Variants in SLC22A14 observed in about 807,000 individuals in gnomAD.
SLC22A14 encodes the protein solute carrier family 22 member 14.
SLC22A14 carries 50 observed loss-of-function variants against 53.9 expected under a neutral mutation model. That is an observed-to-expected ratio of 0.93 (90% confidence interval 0.74 to 1.17). The LOEUF (loss-of-function observed/expected upper bound fraction) is 1.17. Among genes scored for constraint, SLC22A14 ranks in the 50% most tolerant of loss-of-function variants. SLC22A14 has a pLI of 0.00. For synonymous variants in SLC22A14, 312 were observed against 303.0 expected, an observed-to-expected ratio of 1.03 and a Z score of -0.31; for missense variants, 671 against 734.7, an observed-to-expected ratio of 0.91 and a Z score of 1.00.
In SLC22A14 at chr3:38,313,007, C is replaced by T. The variant is rs116032919; in HGVS notation, c.953C>T (p.Pro318Leu). 5.9e-4 allele frequency: 932 copies of T among 1,580,394 alleles called. 2 individuals are homozygous for T. Among genetic ancestry groups the T allele is most frequent in the Non-Finnish European group, 7.0e-4 (819 of 1,163,692 alleles). Reference sequence around the variant, plus strand: ...AGGGGCTGGCCACGCAGGATTCTCCCGGAGTCCCCGCGGTGGCTGATGATG... The same window carrying T: ...AGGGGCTGGCCACGCAGGATTCTCCTGGAGTCCCCGCGGTGGCTGATGATG... Reference protein sequence around the residue: ...IPFISYIWILPESPRWLMMKG... With the variant: ...IPFISYIWILLESPRWLMMKG... Residue 318 changes from proline (P) to leucine (L), a missense_variant, in exon 6 of 11, where the codon CCG (proline) becomes CTG (leucine). By Grantham distance (98) the Pro-to-Leu change is moderately conservative. Coordinates refer to ENST00000448498, the MANE Select transcript of SLC22A14 (RefSeq NM_001320033.2).
chr3:38,293,812 C>G (rs1420440901), intron 1 of SLC22A14, among the ~76,000 whole-genome samples: 1 of 152,218 alleles, frequency 6.6e-6, no homozygotes, highest in Non-Finnish European at 1.5e-5. Context: ...GTTCTTTCCT[C>G]TGTTGTCATC....
At chr3:38,312,229 C>T (rs1024334163) in intron 5 of SLC22A14, among the ~76,000 whole-genome samples, 4 of 152,172 alleles carry the variant, frequency 2.6e-5, no homozygotes, top group East Asian at 1.9e-4. Flanking sequence ...ATAGCTCTGC[C>T]TCTGTGTCCT....
At position 38,318,293 on chromosome 3, in the gene SLC22A14, TTGGACCCATACC is replaced by T. The variant is rs1704676347; in HGVS notation, c.*45_*56del. 1.3e-6 allele frequency: 2 copies of T among 1,544,534 alleles called. No homozygotes were observed. Among genetic ancestry groups the T allele is most frequent in the Admixed American group, 1.7e-5 (1 of 59,946 alleles). ...CATTCTCAATGCCCAGATCCTGAGA[TTGGACCCATACC>T]CTGTCTCCAACCCTGCCTTGAAGCA... On this transcript the variant is annotated 3_prime_UTR_variant, in exon 11 of 11. Transcript: ENST00000448498.
intron 9 of SLC22A14, among the ~76,000 whole-genome samples, 185 bp downstream of exon 9, chr3:38,315,896 G>C (rs181898625): frequency 1.9e-3 from 292 of 152,330 alleles, no homozygotes; most frequent in Non-Finnish European, 3.5e-3. Flanking sequence ...CCCTATTTCA[G>C]ATGCAAGACC....
chr3:38,315,567 G>A lies in SLC22A14; in HGVS notation c.1388G>A (p.Gly463Asp), dbSNP rs1247329942. The A allele has an allele frequency of 2.5e-6, 4 of 1,613,772 alleles. No individual in the cohort carries two copies. In the South Asian group the frequency reaches 4.4e-5, roughly 18 times the overall value. The change falls in exon 9 of 11, where the codon GGC becomes GAC. Residue 463 changes from glycine (G) to aspartate (D), a missense_variant. By Grantham distance (94) the Gly-to-Asp change is moderately conservative (BLOSUM62 -1). Coordinates refer to ENST00000448498, the MANE Select transcript of SLC22A14 (RefSeq NM_001320033.2). ...LLLFLPEGED[G>D]LRLKWPRCPA... ...CCTTCACCCACCCCAGGGGAGGATG[G>A]CCTCAGACTCAAGTGGCCACGTTGT...
chr3:38,281,818 C>T (rs1167353761), upstream of SLC22A14, among the ~76,000 whole-genome samples: 2 of 152,192 alleles, frequency 1.3e-5, no homozygotes, highest in Non-Finnish European at 2.9e-5. Context: ...GCTGGTTTTC[C>T]TGTCCTGCCA....
In SLC22A14 at chr3:38,318,464, G is replaced by C; in HGVS notation, c.*215G>C. The C allele has an allele frequency of 3.5e-6, 2 of 571,492 alleles. No individual in the cohort carries two copies. Among genetic ancestry groups the C allele is most frequent in the Non-Finnish European group, 6.3e-6 (2 of 317,684 alleles). The allele number at this position is 571,492 out of a possible 1,614,324, so 35.4% of individuals were successfully genotyped here. A position where few individuals can be genotyped will look rare whatever the true frequency, so the allele number is the denominator to read the frequency against. On this transcript the variant is annotated 3_prime_UTR_variant, in exon 11 of 11. Transcript: ENST00000448498. Reference sequence around the variant, plus strand: ...AATTCCAGGCCTAGTTCAGTCTGGGGGCAGGGTCAGTCCTTCTCCCAGGCC... The same window carrying C: ...AATTCCAGGCCTAGTTCAGTCTGGGCGCAGGGTCAGTCCTTCTCCCAGGCC...
rs1704679693 is a variant in SLC22A14, at chr3:38,318,418, G to T, written c.*169G>T. On this transcript the variant is annotated 3_prime_UTR_variant, in exon 11 of 11. Coordinates refer to ENST00000448498, the MANE Select transcript of SLC22A14 (RefSeq NM_001320033.2). ...GTTGGAATTGAGTGGCCAAGTATGGGGTCATGGATTCCAGGCCACAAATTC... is the reference window on the plus strand; with the variant it reads ...GTTGGAATTGAGTGGCCAAGTATGGTGTCATGGATTCCAGGCCACAAATTC... 6.2e-6 allele frequency: 4 copies of T among 648,518 alleles called. No individual in the cohort carries two copies. The South Asian group carries it at 7.5e-5, about 12-fold the overall frequency. 40.2% of individuals were successfully genotyped at this position (648,518 alleles called of 1,614,324 possible). A position where few individuals can be genotyped will look rare whatever the true frequency, so the allele number is the denominator to read the frequency against.
intron 1 of SLC22A14, among the ~76,000 whole-genome samples, chr3:38,291,815 A>G (rs2125874503): frequency 6.6e-6 from 1 of 152,320 alleles, no homozygotes; most frequent in South Asian, 2.1e-4. Flanking sequence ...ATCTTACTAA[A>G]TGGGTATTGG....
intron 5 of SLC22A14, among the ~76,000 whole-genome samples, chr3:38,310,439 C>T (rs112955794): frequency 0.018 from 2,708 of 152,192 alleles, 80 homozygotes; most frequent in African/African-American, 0.06. Flanking sequence ...ACAGCTTTTT[C>T]CTGGCCCCTC....
At chr3:38,308,023 A>C in intron 4 of SLC22A14, 1 of 424,846 alleles carries the variant, frequency 2.4e-6, no homozygotes, top group Non-Finnish European at 4.3e-6. Context: ...CTCCTTCCTA[A>C]CTCCCTCATA....
At chr3:38,313,691 C>CGCGCGA in intron 7 of SLC22A14, 36 bp from the exon 8 acceptor site, 1 of 941,112 alleles carries the variant, frequency 1.1e-6, no homozygotes, top group Non-Finnish European at 1.5e-6. Flanking sequence ...TGTGTGCGCG[C>CGCGCGA]GTGTGCACGC....
chr3:38,309,222 C>T (rs2125888341), intron 5 of SLC22A14, 100 bp downstream of exon 5: 1 of 1,068,216 alleles, frequency 9.4e-7, no homozygotes, highest in Middle Eastern at 2.0e-4. Context: ...GGTGGGATTT[C>T]CCCTGGGAGA....
upstream of SLC22A14, among the ~76,000 whole-genome samples, chr3:38,279,679 G>A (rs553058508): frequency 9.6e-4 from 145 of 151,588 alleles, no homozygotes; most frequent in Non-Finnish European, 1.8e-3. Context: ...CCTGTGGTTT[G>A]CTCTGATGAA....
Position 38,307,205 on chromosome 3 carries a change from TG to T in SLC22A14, c.517-47del. Reference sequence around the variant, plus strand: ...CCACGCTGGGATGAGTCTCAGTCTCTGGACCCAAAGGTGGGCACCCGTGGCC... The same window carrying T: ...CCACGCTGGGATGAGTCTCAGTCTCTGACCCAAAGGTGGGCACCCGTGGCC... On this transcript the variant is annotated intron_variant, in intron 2 of 10. Coordinates refer to ENST00000448498, the MANE Select transcript of SLC22A14 (RefSeq NM_001320033.2). The surrounding 1 kb of genome is among the most constrained non-coding windows in gnomAD (Gnocchi z 4.4). 1.5e-6 allele frequency: 2 copies of T among 1,337,226 alleles called. No individual in the cohort carries two copies. Among genetic ancestry groups the T allele is most frequent in the South Asian group, 1.2e-5 (1 of 85,600 alleles). The allele number at this position is 1,337,226 out of a possible 1,614,324, so 82.8% of individuals were successfully genotyped here.
intron 5 of SLC22A14, among the ~76,000 whole-genome samples, chr3:38,312,177 A>T (rs996375805): frequency 1.3e-5 from 2 of 152,132 alleles, no homozygotes; most frequent in Non-Finnish European, 2.9e-5. Context: ...TTAAAAAGTT[A>T]TACCACCTTA....
intron 1 of SLC22A14, 103 bp from the exon 2 acceptor site, chr3:38,305,924 C>A: frequency 8.4e-7 from 1 of 1,191,458 alleles, no homozygotes; most frequent in Non-Finnish European, 1.2e-6. Context: ...ATCCATATTG[C>A]TTCAAGCCAG....
Position 38,318,376 on chromosome 3 carries a change from C to A in SLC22A14, c.*127C>A, listed in dbSNP as rs1001371967. On this transcript the variant is annotated 3_prime_UTR_variant, in exon 11 of 11. Transcript: ENST00000448498. ...ACAGCCAGGCTCCCTGAGGGCCAGG[C>A]CCCCAGACCATCTTGGGTTGGAATT... is the stretch of plus-strand genomic sequence containing the variant. The A allele has an allele frequency of 3.5e-6, 3 of 865,542 alleles. No homozygotes were observed. Among genetic ancestry groups the A allele is most frequent in the Admixed American group, 1.9e-5 (1 of 52,094 alleles). The allele number at this position is 865,542 out of a possible 1,614,324, so 53.6% of individuals were successfully genotyped here.
chr3:38,315,469 G>T, intron 8 of SLC22A14, 89 bp from the exon 9 acceptor site: 1 of 1,379,210 alleles, frequency 7.3e-7, no homozygotes, highest in African/African-American at 1.4e-5. Context: ...CTGCTGGCCA[G>T]CTGGGCAGGT....
Sources: allele counts gnomAD v4.1 joint callset (sites outside exome capture counted in the v4.1 genomes callset), GRCh38; gene constraint gnomAD v4.1.1; non-coding constraint Gnocchi (gnomAD v3.1); transcripts MANE v1.5; gene names NCBI Gene and HGNC (gene_info 2026-07-23, HGNC 2026-07-21).